The following DYSF variants were observed in gnomAD, a reference collection of about 807,000 sequenced individuals.
DYSF encodes dysferlin.
DYSF carries 212 observed loss-of-function variants against 274.9 expected under a neutral mutation model. The ratio of observed to expected loss-of-function variants is 0.77; its 90% CI spans 0.69 to 0.86. DYSF has a LOEUF of 0.86. Ranked by LOEUF, DYSF falls within the 40% of genes least tolerant of loss-of-function variation. The pLI is 0.00. For synonymous variants in DYSF, 1,091 were observed against 1,078.7 expected (o/e 1.01, Z -0.22); for missense variants, 2,666 against 2,783.2 (o/e 0.96, Z 0.95).
At chr2:71,557,091 T>C (rs370968146) in intron 22 of DYSF, among the ~76,000 whole-genome samples, 58 of 152,316 alleles carry the variant, frequency 3.8e-4, no homozygotes, top group African/African-American at 1.4e-3. Flanking sequence ...TCCCCCAACC[T>C]TCCTGAAGCC....
chr2:71,675,878 A>G (rs1378388751), intron 52 of DYSF, among the ~76,000 whole-genome samples: 1 of 152,086 alleles, frequency 6.6e-6, no homozygotes, highest in Non-Finnish European at 1.5e-5. Flanking sequence ...CATATATAAT[A>G]TATACATATA....
rs1559057311 is a variant in DYSF at position 71,516,984 on chromosome 2, T to C, written c.952-5T>C. 1.9e-6 allele frequency: 3 copies of C among 1,614,170 alleles called. No homozygotes were observed. Among genetic ancestry groups the C allele is most frequent in the Non-Finnish European group, 2.5e-6 (3 of 1,180,002 alleles). On this transcript the variant is annotated splice_region_variant and splice_polypyrimidine_tract_variant and intron_variant, in intron 9 of 55. Transcript: ENST00000410020. ...AATGTGAGTTTCCATGATCTTTCTC[T>C]GCAGGTGGTAGACTCTCGTTCTCTC...
intron 3 of DYSF, among the ~76,000 whole-genome samples, chr2:71,496,061 G>A (rs1265026178): frequency 6.6e-6 from 1 of 151,898 alleles, no homozygotes; most frequent in Non-Finnish European, 1.5e-5. Context: ...TTAGGGCCCT[G>A]CCTTCAAGGC....
chr2:71,587,179 G>A (rs1456778603), intron 30 of DYSF, among the ~76,000 whole-genome samples: 1 of 152,192 alleles, frequency 6.6e-6, no homozygotes, highest in Non-Finnish European at 1.5e-5. Context: ...GTCATTCAGG[G>A]CTGGGCTTGG....
At chr2:71,629,690 CCTTT>C (rs1162634400) in intron 41 of DYSF, among the ~76,000 whole-genome samples, 1 of 152,160 alleles carries the variant, frequency 6.6e-6, no homozygotes. Context: ...CTGGATTTTT[CCTTT>C]CTCATTTGCC....
chr2:71,561,700 C>A, intron 22 of DYSF, 52 bp from the exon 23 acceptor site: 1 of 1,610,124 alleles, frequency 6.2e-7, no homozygotes, highest in Non-Finnish European at 8.5e-7. Flanking sequence ...ATGCCTGGAC[C>A]TGGGAGAGCC....
In DYSF at chr2:71,612,766, C is replaced by A. The variant is rs1386081601; in HGVS notation, c.4347C>A (p.Asp1449Glu). ...GCTCCCTGGAGAGCTTCCTGTGTGA[C>A]CCCTACTCGGCGGAGAGTCCATCCC... The part of the protein sequence containing the change: ...TIRSLESFLC[D>E]PYSAESPSPQ... The change falls in exon 39 of 56, where the codon GAC becomes GAA. Residue 1449 changes from aspartate to glutamate, a missense_variant. Coordinates refer to ENST00000410020, the MANE Select transcript of DYSF (RefSeq NM_001130987.2). 4.3e-6 allele frequency: 7 copies of A among 1,614,146 alleles called. No homozygotes were observed. In the East Asian group the frequency reaches 6.7e-5, roughly 15 times the overall value.
intron 1 of DYSF, among the ~76,000 whole-genome samples, chr2:71,474,371 A>C (rs2082250245): frequency 1.3e-5 from 2 of 152,226 alleles, no homozygotes; most frequent in Admixed American, 1.3e-4. Context: ...TCCTCAGAGC[A>C]GTTTGGGAAG....
In DYSF at chr2:71,460,706, G is replaced by A. The variant is rs2081247463; in HGVS notation, c.88+6620G>A. 2.6e-5 allele frequency among the ~76,000 whole-genome samples: 4 copies of A among 152,096 alleles called. No individual in the cohort carries two copies. In the East Asian group the frequency reaches 7.8e-4, roughly 29 times the overall value. On this transcript the variant is annotated intron_variant, in intron 1 of 54. Transcript: ENST00000258104. Reference sequence around the variant, plus strand: ...AAAGGAGGCCTCAGGAAGTGTCCAGGGGTCAGATCACCAGCAGTTGCTTTT... The same window carrying A: ...AAAGGAGGCCTCAGGAAGTGTCCAGAGGTCAGATCACCAGCAGTTGCTTTT...
At chr2:71,677,410 T>C (rs183191727) in intron 52 of DYSF, among the ~76,000 whole-genome samples, 152 of 152,340 alleles carry the variant, frequency 1.0e-3, no homozygotes, top group Non-Finnish European at 1.8e-3. Context: ...CCAATCCCAT[T>C]GACTTTATCA....
intron 3 of DYSF, among the ~76,000 whole-genome samples, chr2:71,483,252 C>T (rs2083083326): frequency 6.6e-6 from 1 of 152,176 alleles, no homozygotes; most frequent in African/African-American, 2.4e-5. Flanking sequence ...TGACCTCAGA[C>T]ATCTCCACCT....
Position 71,466,899 on chromosome 2 carries a change from G to C in DYSF, c.57G>C (p.Arg19=), listed in dbSNP as rs754816638. The C allele has an allele frequency of 6.5e-7, 1 of 1,550,078 alleles. No individual in the cohort carries two copies. Among genetic ancestry groups the C allele is most frequent in the South Asian group, 1.2e-5 (1 of 84,032 alleles). ...ASNLPSAKKD[R]RSDPVASLTF... is the part of the protein sequence containing the mutation. The stretch of plus-strand genomic sequence containing the variant: ...ACCTCCCCAGTGCGAAGAAGGACCG[G>C]CGCAGCGACCCTGTCGCAAGCCTGA... Residue 19 remains arginine, a synonymous_variant, in exon 1 of 56, where the codon CGG becomes CGC. Transcript: ENST00000410020.
At chr2:71,618,953 T>C (rs1462332682) in intron 40 of DYSF, among the ~76,000 whole-genome samples, 1 of 151,936 alleles carries the variant, frequency 6.6e-6, no homozygotes, top group Non-Finnish European at 1.5e-5. Flanking sequence ...ATTTTGAGCC[T>C]GCTGCTCCAG....
At chr2:71,498,431 C>T (rs2084636569) in intron 3 of DYSF, among the ~76,000 whole-genome samples, 1 of 152,158 alleles carries the variant, frequency 6.6e-6, no homozygotes, top group East Asian at 1.9e-4. Context: ...TGGGTGGGGA[C>T]CACATGACCA....
chr2:71,669,580 A>G, intron 50 of DYSF, 25 bp from the exon 51 acceptor site: 2 of 1,614,150 alleles, frequency 1.2e-6, no homozygotes, highest in South Asian at 1.1e-5. Context: ...AATGAGAACT[A>G]TTCTCTAAAA....
intron 41 of DYSF, among the ~76,000 whole-genome samples, chr2:71,622,784 T>A (rs368032584): frequency 6.6e-6 from 1 of 152,116 alleles, no homozygotes; most frequent in East Asian, 1.9e-4. Context: ...CTCTGTTAAT[T>A]TTTGTATTTT....
At chr2:71,543,349 C>T (rs527678508) in intron 17 of DYSF, among the ~76,000 whole-genome samples, 117 of 150,494 alleles carry the variant, frequency 7.8e-4, no homozygotes, top group African/African-American at 2.6e-3. Context: ...GGATGGCGGC[C>T]GGGAAGAGAC....
At chr2:71,584,571 G>T (rs922378717) in intron 30 of DYSF, among the ~76,000 whole-genome samples, 2 of 152,170 alleles carry the variant, frequency 1.3e-5, no homozygotes, top group African/African-American at 4.8e-5. Flanking sequence ...CTTTGCCCTG[G>T]GACCTTAGGC....
chr2:71,570,357 C>T (rs374043941), intron 28 of DYSF, 23 bp downstream of exon 28: 16 of 1,606,734 alleles, frequency 1.0e-5, no homozygotes, highest in South Asian at 5.5e-5. Context: ...TGGAACCTGG[C>T]GAGCCCCATC....
Sources: gnomAD v4.1 joint callset for allele counts (sites outside exome capture counted in the v4.1 genomes callset) on GRCh38, gnomAD v4.1.1 for gene constraint, MANE v1.5 for transcripts, NCBI Gene and HGNC (gene_info 2026-07-23, HGNC 2026-07-21) for gene names.